Variants in RUSC2 observed in about 807,000 individuals in gnomAD.
RUSC2 encodes RUN and SH3 domain containing 2.
In RUSC2, 34 loss-of-function variants were observed where a neutral mutation model predicts 122.2. That is an observed-to-expected ratio of 0.28 (90% CI 0.21 to 0.37). The LOEUF (loss-of-function observed/expected upper bound fraction) is 0.37, where lower values mean the gene tolerates loss of function less well. RUSC2 is among the 10% of genes least tolerant of loss of function. The pLI, the probability that RUSC2 is intolerant of heterozygous loss-of-function variation, is 1.00. For missense variants in RUSC2, 1,747 were observed against 1,952.4 expected (o/e 0.89, Z 1.98); for synonymous variants, 784 against 790.0 (o/e 0.99, Z 0.13).
intron 2 of RUSC2, among the ~76,000 whole-genome samples, chr9:35,554,777 T>C (rs1483645272): frequency 6.6e-6 from 1 of 151,844 alleles, no homozygotes; most frequent in East Asian, 1.9e-4. Flanking sequence ...AAGTGTAAGG[T>C]GAGATGCAAG....
chr9:35,540,123 A>G (rs2132542540), intron 1 of RUSC2, among the ~76,000 whole-genome samples: 1 of 152,306 alleles, frequency 6.6e-6, no homozygotes, highest in East Asian at 1.9e-4. Flanking sequence ...TAATCCCAGC[A>G]CTTTGAGAGG....
chr9:35,545,862 G>C (rs572336699), intron 1 of RUSC2, among the ~76,000 whole-genome samples: 3 of 152,168 alleles, frequency 2.0e-5, no homozygotes, highest in Non-Finnish European at 4.4e-5. Context: ...CAAATATTCT[G>C]GGGCTTGTAG....
At chr9:35,520,050 A>C in intron 1 of RUSC2, among the ~76,000 whole-genome samples, 1 of 152,242 alleles carries the variant, frequency 6.6e-6, no homozygotes, top group East Asian at 1.9e-4. Flanking sequence ...TTAAGTAAAC[A>C]AAAATATATA....
chr9:35,553,275 T>C (rs1821938712), intron 2 of RUSC2, among the ~76,000 whole-genome samples: 1 of 152,180 alleles, frequency 6.6e-6, no homozygotes, highest in African/African-American at 2.4e-5. Context: ...AGTTGGTGTA[T>C]GTAAGAAGCT....
chr9:35,527,848 T>C (rs558870089), intron 1 of RUSC2, among the ~76,000 whole-genome samples: 87 of 152,378 alleles, frequency 5.7e-4, no homozygotes, highest in Non-Finnish European at 1.3e-4. Context: ...TGGATCATGA[T>C]GAACTTCCTT....
At chr9:35,499,145 A>T (rs1229504182) in intron 1 of RUSC2, among the ~76,000 whole-genome samples, 1 of 151,318 alleles carries the variant, frequency 6.6e-6, no homozygotes, top group Non-Finnish European at 1.5e-5. Flanking sequence ...AAATTAGCCA[A>T]GCGTGGTGGC....
intron 1 of RUSC2, among the ~76,000 whole-genome samples, chr9:35,500,044 G>T (rs1454066187): frequency 6.6e-6 from 1 of 152,150 alleles, no homozygotes; most frequent in Non-Finnish European, 1.5e-5. Context: ...AAACAGAACA[G>T]CTTATTTTTC....
intron 1 of RUSC2, among the ~76,000 whole-genome samples, chr9:35,509,449 G>A (rs566175608): frequency 5.9e-5 from 9 of 152,284 alleles, no homozygotes; most frequent in South Asian, 4.1e-4. Flanking sequence ...GTACCTACCC[G>A]TGTTCATTGG....
chr9:35,524,693 CG>C (rs1437759489), intron 1 of RUSC2, among the ~76,000 whole-genome samples: 1 of 152,118 alleles, frequency 6.6e-6, no homozygotes, highest in African/African-American at 2.4e-5. Flanking sequence ...GATCCCAGGC[CG>C]GGTGCAGTGG....
chr9:35,535,406 G>A (rs945379572), intron 1 of RUSC2, among the ~76,000 whole-genome samples: 3 of 148,060 alleles, frequency 2.0e-5, no homozygotes, highest in African/African-American at 4.9e-5. Flanking sequence ...ATTAGCCACC[G>A]CTCCCGGCCG....
intron 1 of RUSC2, among the ~76,000 whole-genome samples, chr9:35,529,252 A>G (rs1018481403): frequency 6.6e-6 from 1 of 152,126 alleles, no homozygotes; most frequent in African/African-American, 2.4e-5. Flanking sequence ...TAGGAGCCAG[A>G]CAAATAATGC....
Position 35,560,820 on chromosome 9 carries a change from A to G in RUSC2, c.4180A>G (p.Lys1394Glu). The G allele has an allele frequency of 6.5e-6, 10 of 1,528,952 alleles. No homozygotes were observed. The highest frequency in any genetic ancestry group is 8.8e-6 in the Non-Finnish European group (10 of 1,140,624). 94.7% of individuals were successfully genotyped at this position (1,528,952 alleles called of 1,614,324 possible). Residue 1394 changes from lysine to glutamate, a missense_variant, in exon 10 of 12, where the codon AAA (lysine) becomes GAA (glutamate). Lys to Glu is a moderately conservative substitution (Grantham distance 56, BLOSUM62 1). Coordinates refer to ENST00000361226, the MANE Select transcript of RUSC2 (RefSeq NM_014806.5). ...IKWGHLFGSR[K>E]AQREARPTNR... ...GTGGGGACACCTCTTTGGCTCCCGA[A>G]AAGCCCAGCGGGAGGCCCGGCCCAC...
At chr9:35,544,050 C>A (rs1482346513) in intron 1 of RUSC2, among the ~76,000 whole-genome samples, 1 of 152,110 alleles carries the variant, frequency 6.6e-6, no homozygotes, top group Middle Eastern at 3.2e-3. Flanking sequence ...AGTAGCTGCA[C>A]CATTTTACAA....
Position 35,555,829 on chromosome 9 carries a change from G to GC in RUSC2, c.2657-122dup. 1.4e-6 allele frequency: 2 copies of GC among 1,449,154 alleles called. No homozygotes were observed. 89.8% of individuals were successfully genotyped at this position (1,449,154 alleles called of 1,614,324 possible). On this transcript the variant is annotated intron_variant, in intron 3 of 11. Transcript: ENST00000361226. The surrounding 1 kb of genome is among the most constrained non-coding windows in gnomAD (Gnocchi z 4.6). ...TTAGGATGTCTGCATCCCTCCCTCAGCATCTGTAGATAATATCCACAGATA... is the reference window on the plus strand; with the variant it reads ...TTAGGATGTCTGCATCCCTCCCTCAGCCATCTGTAGATAATATCCACAGATA...
intron 1 of RUSC2, among the ~76,000 whole-genome samples, chr9:35,544,464 C>T (rs1027243324): frequency 6.6e-6 from 1 of 151,990 alleles, no homozygotes; most frequent in Admixed American, 6.6e-5. Context: ...TGCACTACCA[C>T]GCCCAGCTAA....
chr9:35,553,060 C>G (rs1374281267), intron 2 of RUSC2, among the ~76,000 whole-genome samples: 1 of 152,154 alleles, frequency 6.6e-6, no homozygotes, highest in African/African-American at 2.4e-5. Context: ...AAAACTGATA[C>G]TTAAATAGGC....
At chr9:35,507,957 A>G (rs767422311) in intron 1 of RUSC2, 9 of 159,354 alleles carry the variant, frequency 5.6e-5, no homozygotes, top group Non-Finnish European at 1.3e-4. Flanking sequence ...TAAATTCATC[A>G]TTACCGAAGT....
intron 1 of RUSC2, among the ~76,000 whole-genome samples, chr9:35,506,207 G>GGT (rs1453945485): frequency 6.6e-5 from 10 of 152,104 alleles, no homozygotes; most frequent in Non-Finnish European, 1.5e-4. Context: ...GTTAGATTGT[G>GGT]GTCAGAGTTG....
intron 1 of RUSC2, among the ~76,000 whole-genome samples, chr9:35,536,808 C>CAAAAAAAAAAAAAAA (rs67604535): frequency 4.3e-5 from 3 of 69,614 alleles, no homozygotes; most frequent in Admixed American, 2.0e-4. Flanking sequence ...GAGTGAAACT[C>CAAAAAAAAAAAAAAA]AAAAAAAAAA....
Sources: allele counts gnomAD v4.1 joint callset (sites outside exome capture counted in the v4.1 genomes callset), GRCh38; gene constraint gnomAD v4.1.1; non-coding constraint Gnocchi (gnomAD v3.1); transcripts MANE v1.5; gene names NCBI Gene and HGNC (gene_info 2026-07-23, HGNC 2026-07-21).